PKHD1L1: variants seen among roughly 807,000 people sequenced by gnomAD.
The protein encoded by PKHD1L1 is PKHD1 like 1, also known as fibrocystin-L.
A neutral mutation model predicts 462.9 loss-of-function variants in PKHD1L1; 434 were observed. That is an observed-to-expected ratio of 0.94 (90% CI 0.87 to 1.02). The LOEUF (loss-of-function observed/expected upper bound fraction) is 1.02. PKHD1L1 is among the 50% of genes least tolerant of loss of function. The pLI, the probability that PKHD1L1 is intolerant of heterozygous loss-of-function variation, is 0.00. For synonymous variants in PKHD1L1, 1,781 were observed against 1,750.0 expected, an observed-to-expected ratio of 1.02 and a Z score of -0.44; for missense variants, 5,202 against 5,096.1, an observed-to-expected ratio of 1.02 and a Z score of -0.63.
At position 109,426,389 on chromosome 8, in the gene PKHD1L1, G is replaced by A. The variant is rs150843263; in HGVS notation, c.2846-613G>A. Among the ~76,000 whole-genome samples, 286 of 151,830 alleles carry A rather than the reference G, an allele frequency of 1.9e-3. 8 individuals are homozygous for A. In the East Asian group the frequency reaches 0.047, roughly 25 times the overall value. The stretch of plus-strand genomic sequence containing the variant: ...ATATCGACTGATATTTGATATTTGT[G>A]AATTGATATTAAAAATATTTGGTCC... On this transcript the variant is annotated intron_variant, in intron 24 of 77. Transcript: ENST00000378402.
chr8:109,413,667 T>C, intron 21 of PKHD1L1, 122 bp downstream of exon 21: 1 of 610,582 alleles, frequency 1.6e-6, no homozygotes, highest in Non-Finnish European at 2.5e-6. Context: ...GGGCAAATAA[T>C]GCACACAATG....
At chr8:109,514,724 ATAGT>A in intron 71 of PKHD1L1, among the ~76,000 whole-genome samples, 1 of 152,264 alleles carries the variant, frequency 6.6e-6, no homozygotes, top group Middle Eastern at 3.4e-3. Context: ...ATCAGAGAGG[ATAGT>A]TATTTTGACA....
rs1448843926 is a variant in PKHD1L1, at chr8:109,445,546, G to C, written c.5677G>C (p.Asp1893His). The change falls in exon 38 of 78, where the codon GAT becomes CAT. Residue 1893 changes from aspartate to histidine, a missense_variant. Transcript: ENST00000378402. ...TCCCGCTGGGACCACTGGAATGGTC[G>C]ATGTTAAAATCTTTGTTAATACAAT... is the stretch of plus-strand genomic sequence containing the variant. ...RTPAGTTGMV[D>H]VKIFVNTIAY... 1 of 1,612,766 alleles carries C rather than the reference G, an allele frequency of 6.2e-7. No homozygotes were observed. The highest frequency in any genetic ancestry group is 8.5e-7 in the Non-Finnish European group (1 of 1,179,310).
chr8:109,404,641 A>G lies in PKHD1L1; in HGVS notation c.1461A>G (p.Glu487=), dbSNP rs368592269. The G allele has an allele frequency of 6.2e-6, 10 of 1,608,684 alleles. No homozygotes were observed. In the African/African-American group the frequency reaches 1.2e-4, roughly 19 times the overall value. The change falls in exon 15 of 78, where the codon GAA becomes GAG. Residue 487 remains glutamate, a synonymous_variant. Coordinates refer to ENST00000378402, the MANE Select transcript of PKHD1L1 (RefSeq NM_177531.6). ...GLYQYRNVYT[E]QQTGDAVNEE... is the part of the protein sequence containing the mutation. ...ACCAGTATCGAAATGTTTATACTGA[A>G]CAACAAACAGGAGATGCAGTGAATG... is the stretch of plus-strand genomic sequence containing the variant.
intron 35 of PKHD1L1, 46 bp from the exon 36 acceptor site, chr8:109,442,900 G>A (rs777831894): frequency 6.5e-6 from 10 of 1,538,712 alleles, no homozygotes; most frequent in Admixed American, 3.4e-5. Flanking sequence ...TTTCAAATAT[G>A]CATTAATTGC....
intron 50 of PKHD1L1, among the ~76,000 whole-genome samples, chr8:109,474,194 G>A (rs747958749): frequency 1.5e-4 from 23 of 151,986 alleles, no homozygotes; most frequent in Admixed American, 3.9e-4. Flanking sequence ...ATTTTGTTGG[G>A]CCTTATTTCA....
At chr8:109,454,394 T>C (rs1339341052) in intron 44 of PKHD1L1, 148 bp downstream of exon 44, 2 of 666,056 alleles carry the variant, frequency 3.0e-6, no homozygotes, top group Non-Finnish European at 4.9e-6. Context: ...AAATCCTTTA[T>C]GCAAGGAGAA....
At chr8:109,415,313 C>A (rs1814092390) in intron 21 of PKHD1L1, among the ~76,000 whole-genome samples, 1 of 152,060 alleles carries the variant, frequency 6.6e-6, no homozygotes. Context: ...GCCCCCAACA[C>A]TATTTTCAAA....
intron 57 of PKHD1L1, among the ~76,000 whole-genome samples, chr8:109,483,426 AAT>A (rs1418992852): frequency 6.7e-6 from 1 of 149,242 alleles, no homozygotes; most frequent in African/African-American, 2.4e-5. Context: ...TTAGTCATAC[AAT>A]ATATGACTAA....
rs577271923 is a variant in PKHD1L1, at chr8:109,459,750, T to A, written c.7160T>A (p.Ile2387Asn). 6.2e-6 allele frequency: 10 copies of A among 1,611,860 alleles called. No homozygotes were observed. In the African/African-American group the frequency reaches 9.3e-5, roughly 15 times the overall value. Residue 2387 changes from isoleucine to asparagine, a missense_variant, in exon 47 of 78, where the codon ATT becomes AAT. Transcript: ENST00000378402. ...TLFEARAEVGILTRNILIRGS... is the reference protein window; with the variant it reads ...TLFEARAEVGNLTRNILIRGS... The stretch of plus-strand genomic sequence containing the variant: ...TTTGAAGCAAGAGCAGAAGTTGGAA[T>A]TCTTACAAGAAATATTTTAATAAGA...
Position 109,464,976 on chromosome 8 carries a change from A to T in PKHD1L1, c.8144A>T (p.Glu2715Val). The change falls in exon 49 of 78, where the codon GAA becomes GTA. Residue 2715 changes from glutamate (E) to valine (V), a missense_variant. By Grantham distance (121) the Glu-to-Val change is moderately radical. Transcript: ENST00000378402. ...KNAKIVGHLDELGMGSAFCTA... is the reference protein window; with the variant it reads ...KNAKIVGHLDVLGMGSAFCTA... ...GCCAAAATAGTCGGCCATCTTGATG[A>T]ACTGGGAATGGGGTCTGCATTTTGC... The T allele has an allele frequency of 1.2e-6, 2 of 1,613,850 alleles. No homozygotes were observed. The highest frequency in any genetic ancestry group is 1.7e-6 in the Non-Finnish European group (2 of 1,179,796).
rs776087804 is a variant in PKHD1L1 at position 109,442,967 on chromosome 8, C to T, written c.4415C>T (p.Thr1472Ile). The T allele has an allele frequency of 1.9e-6, 3 of 1,613,154 alleles. No homozygotes were observed. The highest frequency in any genetic ancestry group is 2.5e-6 in the Non-Finnish European group (3 of 1,179,394). ...GCAGGTTCATTTTCTTACCAATTTA[C>T]TTCTCCTGGAATCCATTATTATAGC... The part of the protein sequence containing the change: ...STSGSFSYQF[T>I]SPGIHYYSSG... Residue 1472 changes from threonine (T) to isoleucine (I), a missense_variant, in exon 36 of 78, where the codon ACT (threonine) becomes ATT (isoleucine). Coordinates refer to ENST00000378402, the MANE Select transcript of PKHD1L1 (RefSeq NM_177531.6).
intron 38 of PKHD1L1, 135 bp from the exon 39 acceptor site, chr8:109,448,008 A>T: frequency 1.4e-6 from 1 of 732,542 alleles, no homozygotes; most frequent in Non-Finnish European, 2.2e-6. Context: ...ATGACATAGC[A>T]TGTATTGTTA....
intron 2 of PKHD1L1, among the ~76,000 whole-genome samples, chr8:109,370,350 G>C (rs1811437850): frequency 6.6e-6 from 1 of 152,058 alleles, no homozygotes; most frequent in South Asian, 2.1e-4. Flanking sequence ...CTGACCTCAG[G>C]TGATCTGCCT....
At chr8:109,480,444 G>C in intron 55 of PKHD1L1, 1 of 409,162 alleles carries the variant, frequency 2.4e-6, no homozygotes, top group East Asian at 6.0e-5. Context: ...TTCCAACAAA[G>C]AGTCCTAGGA....
intron 2 of PKHD1L1, among the ~76,000 whole-genome samples, chr8:109,373,302 A>G (rs1178513303): frequency 2.6e-5 from 4 of 152,264 alleles, no homozygotes; most frequent in Non-Finnish European, 4.4e-5. Flanking sequence ...AGAGGTGTTT[A>G]TAGTATTCTC....
At position 109,481,530 on chromosome 8, in the gene PKHD1L1, C is replaced by T; in HGVS notation, c.9425C>T (p.Pro3142Leu). 1.9e-6 allele frequency: 3 copies of T among 1,595,686 alleles called. No homozygotes were observed. The highest frequency in any genetic ancestry group is 2.6e-6 in the Non-Finnish European group (3 of 1,170,336). The change falls in exon 56 of 78, where the codon CCA becomes CTA. Residue 3142 changes from proline to leucine, a missense_variant. By Grantham distance (98) the Pro-to-Leu change is moderately conservative. This residue lies in a region of PKHD1L1 where 4,497 missense variants were observed against 4,336.8 expected (regional missense o/e 1.04). Transcript: ENST00000378402. The stretch of plus-strand genomic sequence containing the variant: ...CATACTACACAAGACTGGGCTCTTC[C>T]AGAAGGACCAAATCAAGGGGCAAAG... The part of the protein sequence containing the change: ...GNHTTQDWAL[P>L]EGPNQGAKVL...
rs886905659 is a variant in PKHD1L1, at chr8:109,388,955, G to T, written c.624-124G>T. On this transcript the variant is annotated intron_variant, in intron 7 of 77. Coordinates refer to ENST00000378402, the MANE Select transcript of PKHD1L1 (RefSeq NM_177531.6). ...AATAGTTTTATTTTACAGAAATTTTGGTTGTAGCAACAATTTCTGTCCTGA... is the reference window on the plus strand; with the variant it reads ...AATAGTTTTATTTTACAGAAATTTTTGTTGTAGCAACAATTTCTGTCCTGA... 250 of 568,308 alleles carry T rather than the reference G, an allele frequency of 4.4e-4. 1 individual carries two copies. Among genetic ancestry groups the T allele is most frequent in the South Asian group, 2.1e-4 (7 of 33,944 alleles). 35.2% of individuals were successfully genotyped at this position (568,308 alleles called of 1,614,324 possible).
intron 21 of PKHD1L1, among the ~76,000 whole-genome samples, chr8:109,417,356 A>C (rs1039760498): frequency 5.9e-5 from 9 of 152,148 alleles, no homozygotes; most frequent in Non-Finnish European, 1.2e-4. Flanking sequence ...AAAACTAAAA[A>C]TTTTTTAAAA....
Sources: gnomAD v4.1 joint callset for allele counts (sites outside exome capture counted in the v4.1 genomes callset) on GRCh38, gnomAD v4.1.1 for gene constraint, gnomAD v4.1.1 regional missense constraint, MANE v1.5 for transcripts, NCBI Gene and HGNC (gene_info 2026-07-23, HGNC 2026-07-21) for gene names.